The following SDK1 variants were observed in gnomAD, a reference collection of about 807,000 sequenced individuals.
SDK1 encodes the protein sidekick cell adhesion molecule 1, also known as protein sidekick-1.
In SDK1, 157 loss-of-function variants were observed where a neutral mutation model predicts 245.5. That is an observed-to-expected ratio of 0.64 (90% CI 0.56 to 0.73). The LOEUF (loss-of-function observed/expected upper bound fraction) is 0.73. Ranked by LOEUF, SDK1 falls within the 30% of genes least tolerant of loss-of-function variation. SDK1 has a pLI of 0.00. For missense variants in SDK1, 3,583 were observed against 3,002.3 expected (o/e 1.19, Z -4.52); for synonymous variants, 1,647 against 1,278.5 (o/e 1.29, Z -6.15).
At chr7:3,720,293 G>T (rs779355730) in intron 4 of SDK1, among the ~76,000 whole-genome samples, 1 of 151,858 alleles carries the variant, frequency 6.6e-6, no homozygotes, top group Non-Finnish European at 1.5e-5. Context: ...AACAAAAACT[G>T]CAGACATGGA....
chr7:3,693,737 T>G (rs1474314988), intron 4 of SDK1, among the ~76,000 whole-genome samples: 1 of 152,108 alleles, frequency 6.6e-6, no homozygotes, highest in Non-Finnish European at 1.5e-5. Context: ...ATCCCTGGAG[T>G]ATCTGGGAAT....
chr7:3,304,145 T>C (rs1779355284), intron 1 of SDK1, among the ~76,000 whole-genome samples: 1 of 152,214 alleles, frequency 6.6e-6, no homozygotes, highest in Non-Finnish European at 1.5e-5. Flanking sequence ...AACCGCCAGG[T>C]TCAGGTCTTC....
chr7:3,747,520 C>A (rs1372511860), intron 4 of SDK1, among the ~76,000 whole-genome samples: 1 of 152,100 alleles, frequency 6.6e-6, no homozygotes, highest in Non-Finnish European at 1.5e-5. Context: ...CAAATGCTGT[C>A]GTGGGCCTTG....
At chr7:3,600,567 T>C (rs1469888272) in intron 1 of SDK1, among the ~76,000 whole-genome samples, 1 of 149,190 alleles carries the variant, frequency 6.7e-6, no homozygotes, top group East Asian at 1.9e-4. Context: ...TTTTTTTTTT[T>C]TTTTTGAGAT....
At chr7:3,680,497 G>C (rs1001956363) in intron 4 of SDK1, among the ~76,000 whole-genome samples, 1 of 152,128 alleles carries the variant, frequency 6.6e-6, no homozygotes, top group Admixed American at 6.5e-5. Context: ...ATCTAAGTGA[G>C]GTCTGGGTGT....
intron 4 of SDK1, among the ~76,000 whole-genome samples, chr7:3,706,129 G>C (rs972571625): frequency 2.0e-5 from 3 of 152,116 alleles, no homozygotes; most frequent in Non-Finnish European, 4.4e-5. Context: ...CTTGAGCATG[G>C]TTATTATATT....
chr7:3,998,577 GC>G (rs1025461887), intron 14 of SDK1, among the ~76,000 whole-genome samples: 3 of 152,128 alleles, frequency 2.0e-5, no homozygotes, highest in Non-Finnish European at 4.4e-5. Context: ...CCAAGGCCCT[GC>G]CCCCTGGACA....
intron 22 of SDK1, 68 bp from the exon 23 acceptor site, chr7:4,110,595 C>T (rs1783275236): frequency 8.8e-7 from 1 of 1,130,626 alleles, no homozygotes; most frequent in South Asian, 1.3e-5. Context: ...AGCAGGTGCA[C>T]ATGGTCTACA....
At chr7:4,056,981 A>T (rs970114196) in intron 19 of SDK1, among the ~76,000 whole-genome samples, 8 of 152,158 alleles carry the variant, frequency 5.3e-5, no homozygotes, top group Non-Finnish European at 1.2e-4. Context: ...GAGGCAAAGC[A>T]CAAACCATTG....
chr7:4,145,637 G>T (rs1483323185), intron 28 of SDK1, 85 bp from the exon 29 acceptor site: 4 of 1,189,310 alleles, frequency 3.4e-6, no homozygotes, highest in Non-Finnish European at 4.7e-6. Context: ...GGCCTTCCAG[G>T]GGTCAGCACA....
At chr7:3,612,305 T>C (rs1194644097) in intron 1 of SDK1, among the ~76,000 whole-genome samples, 2 of 152,238 alleles carry the variant, frequency 1.3e-5, no homozygotes, top group African/African-American at 2.4e-5. Flanking sequence ...CTGTCTATAT[T>C]TGCATATTTA....
At chr7:3,598,840 A>G (rs1322838525) in intron 1 of SDK1, among the ~76,000 whole-genome samples, 1 of 150,140 alleles carries the variant, frequency 6.7e-6, no homozygotes, top group Non-Finnish European at 1.5e-5. Context: ...TGGACATATA[A>G]CAGTTTGTAT....
intron 17 of SDK1, among the ~76,000 whole-genome samples, chr7:4,044,891 G>A (rs1300123838): frequency 1.3e-5 from 2 of 152,050 alleles, no homozygotes; most frequent in Non-Finnish European, 2.9e-5. Flanking sequence ...GACTATTTCT[G>A]TCACCTCCCC....
rs1044701 is a variant in SDK1, at chr7:4,266,202, G to A, written c.*818G>A. ...GCGGGACACGAGGACACGGGACGGC[G>A]TCTCCAGAATTGCTTGTTACGTAGG... On this transcript the variant is annotated 3_prime_UTR_variant, in exon 45 of 45. Coordinates refer to ENST00000404826, the MANE Select transcript of SDK1 (RefSeq NM_152744.4). 0.41 allele frequency: 407,115 copies of A among 985,268 alleles called. 86,991 individuals are homozygous for A. Among genetic ancestry groups the A allele is most frequent in the East Asian group, 0.66 (5,768 of 8,806 alleles). The allele number at this position is 985,268 out of a possible 1,614,324, so 61.0% of individuals were successfully genotyped here.
chr7:3,540,808 A>G (rs890445980), intron 1 of SDK1, among the ~76,000 whole-genome samples: 6 of 152,238 alleles, frequency 3.9e-5, no homozygotes, highest in African/African-American at 1.2e-4. Context: ...CATCATTCGT[A>G]TATCTATAAT....
At chr7:3,730,518 A>G (rs1779146564) in intron 4 of SDK1, among the ~76,000 whole-genome samples, 1 of 152,130 alleles carries the variant, frequency 6.6e-6, no homozygotes, top group African/African-American at 2.4e-5. Flanking sequence ...GACTCTAGGA[A>G]GGGAGAGAGC....
chr7:3,472,553 A>G (rs1781216889), intron 1 of SDK1, among the ~76,000 whole-genome samples: 2 of 152,256 alleles, frequency 1.3e-5, no homozygotes, highest in African/African-American at 4.8e-5. Flanking sequence ...TAGAATAATT[A>G]TAACTGATAA....
chr7:4,202,659 C>T (rs1319738778), intron 35 of SDK1, among the ~76,000 whole-genome samples: 1 of 152,224 alleles, frequency 6.6e-6, no homozygotes, highest in Non-Finnish European at 1.5e-5. Context: ...AATGAATGAG[C>T]ATCATTCTCC....
chr7:3,836,313 A>G (rs1017828383), intron 5 of SDK1, among the ~76,000 whole-genome samples: 1 of 152,258 alleles, frequency 6.6e-6, no homozygotes, highest in African/African-American at 2.4e-5. Context: ...TAACTTATGT[A>G]TAAGTCACAT....
Sources: allele counts gnomAD v4.1 joint callset (sites outside exome capture counted in the v4.1 genomes callset), GRCh38; gene constraint gnomAD v4.1.1; transcripts MANE v1.5; gene names NCBI Gene and HGNC (gene_info 2026-07-23, HGNC 2026-07-21).